The following CAPN11 variants were observed in gnomAD, a reference collection of about 807,000 sequenced individuals.
CAPN11 encodes calpain 11.
CAPN11 carries 108 observed loss-of-function variants against 105.3 expected under a neutral mutation model. The ratio of observed to expected loss-of-function variants is 1.03; its 90% CI spans 0.88 to 1.20. The LOEUF (loss-of-function observed/expected upper bound fraction) is 1.20. CAPN11 is among the 50% of genes most tolerant of loss of function. The probability of loss-of-function intolerance (pLI) is 0.00; values close to 1 mark genes in which losing one functional copy is unlikely to be tolerated. For missense variants in CAPN11, 883 were observed against 924.8 expected (o/e 0.95, Z 0.59); for synonymous variants, 329 against 344.5 (o/e 0.96, Z 0.50).
chr6:44,174,952 G>C (rs1208566897), intron 7 of CAPN11, among the ~76,000 whole-genome samples: 2 of 152,068 alleles, frequency 1.3e-5, no homozygotes, highest in Admixed American at 6.6e-5. Flanking sequence ...CAAAATAATA[G>C]AAATTAAGAA....
intron 13 of CAPN11, 58 bp downstream of exon 13, chr6:44,179,688 C>T (rs1294811076): frequency 6.4e-7 from 1 of 1,569,344 alleles, no homozygotes; most frequent in Non-Finnish European, 8.8e-7. Flanking sequence ...CCACCCCTGG[C>T]TGCAAGTGGA....
chr6:44,180,153 A>G lies in CAPN11; in HGVS notation c.1630A>G (p.Ser544Gly). Reference protein sequence around the residue: ...FLLRVFTEKHSESWELDEVNY... With the variant: ...FLLRVFTEKHGESWELDEVNY... ...GCTTCGGGTCTTCACCGAGAAGCAC[A>G]GCGAGTCATGGTAAGGGGCTGCAGC... The change falls in exon 14 of 23, where the codon AGC (serine) becomes GGC (glycine). Residue 544 changes from serine (S) to glycine (G), a missense_variant. Coordinates refer to ENST00000398776, the MANE Select transcript of CAPN11 (RefSeq NM_007058.4). 1 of 1,610,246 alleles carries G rather than the reference A, an allele frequency of 6.2e-7. No homozygotes were observed. Among genetic ancestry groups the G allele is most frequent in the Admixed American group, 1.7e-5 (1 of 59,734 alleles).
chr6:44,161,797 G>C, intron 1 of CAPN11: 1 of 456,200 alleles, frequency 2.2e-6, no homozygotes, highest in Non-Finnish European at 4.4e-6. Flanking sequence ...CAGGCCCCCA[G>C]GAGAGCTCAA....
At chr6:44,169,670 C>T in intron 3 of CAPN11, 139 bp downstream of exon 3, 1 of 1,006,196 alleles carries the variant, frequency 9.9e-7, no homozygotes. Flanking sequence ...TTCATCAGAG[C>T]TGGGGACAGT....
rs1339016980 is a variant in CAPN11 at position 44,180,749 on chromosome 6, G to T, written c.1748G>T (p.Gly583Val). The T allele has an allele frequency of 6.2e-7, 1 of 1,613,596 alleles. No homozygotes were observed. Among genetic ancestry groups the T allele is most frequent in the Non-Finnish European group, 8.5e-7 (1 of 1,179,764 alleles). The change falls in exon 17 of 23, where the codon GGC becomes GTC. Residue 583 changes from glycine (G) to valine (V), a missense_variant and splice_region_variant. Coordinates refer to ENST00000398776, the MANE Select transcript of CAPN11 (RefSeq NM_007058.4). ...LHLFKIVAGEGKEIGVYELQR... is the reference protein window; with the variant it reads ...LHLFKIVAGEVKEIGVYELQR... Reference sequence around the variant, plus strand: ...GGGGTTCACAGTTCCCCTTCCTAGGGCAAGGAGATAGGGGTGTATGAGCTC... The same window carrying T: ...GGGGTTCACAGTTCCCCTTCCTAGGTCAAGGAGATAGGGGTGTATGAGCTC...
rs536712752 is a variant in CAPN11 at position 44,184,068 on chromosome 6, G to A, written c.*136G>A. 228 of 894,484 alleles carry A rather than the reference G, an allele frequency of 2.5e-4. No individual in the cohort carries two copies. The highest frequency in any genetic ancestry group is 3.7e-4 in the Non-Finnish European group (212 of 578,160). 55.4% of individuals were successfully genotyped at this position (894,484 alleles called of 1,614,324 possible). On this transcript the variant is annotated 3_prime_UTR_variant, in exon 23 of 23. Coordinates refer to ENST00000398776, the MANE Select transcript of CAPN11 (RefSeq NM_007058.4). ...AATGGGCTCCAGGTGGCAGTGCCCGGGTCCCAGGTGCCGTGTTTACTGCAG... is the reference window on the plus strand; with the variant it reads ...AATGGGCTCCAGGTGGCAGTGCCCGAGTCCCAGGTGCCGTGTTTACTGCAG...
Position 44,181,339 on chromosome 6 carries a change from G to T in CAPN11, c.1938+19G>T. The T allele has an allele frequency of 6.2e-7, 1 of 1,608,014 alleles. No individual in the cohort carries two copies. ...ATGGATGGTAAAGGGCACTAAAGGG[G>T]CAGCCTCCAGGGGTGAGGAAAAGAG... On this transcript the variant is annotated intron_variant, in intron 19 of 22. Coordinates refer to ENST00000398776, the MANE Select transcript of CAPN11 (RefSeq NM_007058.4).
Position 44,176,931 on chromosome 6 carries a change from G to T in CAPN11, c.1170G>T (p.Trp390Cys). ...DTLSGDYKSY[W>C]HTTFYEGSWR... ...TCTCTGGGGACTACAAGAGCTACTG[G>T]CACACCACCTTCTACGAGGGCAGCT... Residue 390 changes from tryptophan (W) to cysteine (C), a missense_variant, in exon 11 of 23, where the codon TGG (tryptophan) becomes TGT (cysteine). By Grantham distance (215) the Trp-to-Cys change is radical. Transcript: ENST00000398776. The T allele has an allele frequency of 6.2e-7, 1 of 1,613,908 alleles. No homozygotes were observed. Among genetic ancestry groups the T allele is most frequent in the Non-Finnish European group, 8.5e-7 (1 of 1,179,874 alleles).
intron 21 of CAPN11, 44 bp downstream of exon 21, chr6:44,183,279 G>C: frequency 7.6e-7 from 1 of 1,309,104 alleles, no homozygotes; most frequent in Admixed American, 1.7e-5. Flanking sequence ...GCCAGGGGCC[G>C]CGGGCCCTTT....
intron 19 of CAPN11, among the ~76,000 whole-genome samples, chr6:44,181,574 CCACACATACACACTCACAT>C (rs1773410982): frequency 2.0e-4 from 1 of 4,918 alleles, no homozygotes; most frequent in Non-Finnish European, 4.8e-4. Context: ...CACAACCACA[CCACACATACACACTCACAT>C]ACAGACACAA....
intron 10 of CAPN11, 69 bp downstream of exon 10, chr6:44,176,724 T>G: frequency 6.4e-7 from 1 of 1,562,982 alleles, no homozygotes; most frequent in South Asian, 1.2e-5. Context: ...CCTGCTCCGC[T>G]CCTCTCTGTG....
At position 44,176,672 on chromosome 6, in the gene CAPN11, G is replaced by T; in HGVS notation, c.1076+17G>T. 1 of 1,582,938 alleles carries T rather than the reference G, an allele frequency of 6.3e-7. No individual in the cohort carries two copies. The highest frequency in any genetic ancestry group is 8.6e-7 in the Non-Finnish European group (1 of 1,161,528). On this transcript the variant is annotated intron_variant, in intron 10 of 22. Coordinates refer to ENST00000398776, the MANE Select transcript of CAPN11 (RefSeq NM_007058.4). Reference sequence around the variant, plus strand: ...GGAGTTCTGGTCAGTGTGGCTTGGGGTGGGCTTCTTACCACCACCCTAGGC... The same window carrying T: ...GGAGTTCTGGTCAGTGTGGCTTGGGTTGGGCTTCTTACCACCACCCTAGGC...
At position 44,176,101 on chromosome 6, in the gene CAPN11, G is replaced by C; in HGVS notation, c.865G>C (p.Asp289His). The C allele has an allele frequency of 6.2e-7, 1 of 1,612,982 alleles. No individual in the cohort carries two copies. The highest frequency in any genetic ancestry group is 8.5e-7 in the Non-Finnish European group (1 of 1,179,454). Residue 289 changes from aspartate to histidine, a missense_variant, in exon 8 of 23, where the codon GAC becomes CAC. Asp to His is a moderately conservative substitution (Grantham distance 81). Coordinates refer to ENST00000398776, the MANE Select transcript of CAPN11 (RefSeq NM_007058.4). ...TGATAGTGAACTGGAATCCATGACT[G>C]ACAAGATGCTGGTGAGAGGGCACGC... ...TSDSELESMT[D>H]KMLVRGHAYS...
intron 7 of CAPN11, among the ~76,000 whole-genome samples, chr6:44,174,689 G>A (rs1335192445): frequency 2.2e-5 from 3 of 136,148 alleles, no homozygotes; most frequent in Admixed American, 1.7e-4. Context: ...ATGCGATCTC[G>A]TTTCACTGCA....
intron 15 of CAPN11, 46 bp from the exon 16 acceptor site, chr6:44,180,550 GA>G (rs777104790): frequency 4.3e-6 from 7 of 1,613,804 alleles, no homozygotes; most frequent in Non-Finnish European, 5.9e-6. Flanking sequence ...CTGGGCCTGT[GA>G]AAGAAGTTTT....
At chr6:44,166,935 G>A in intron 2 of CAPN11, 106 bp downstream of exon 2, 2 of 608,020 alleles carry the variant, frequency 3.3e-6, no homozygotes, top group Non-Finnish European at 5.9e-6. Flanking sequence ...CAGTCATGTT[G>A]TGTGGGGAGG....
intron 7 of CAPN11, among the ~76,000 whole-genome samples, chr6:44,175,778 TAATAATA>T (rs981927323): frequency 6.4e-5 from 4 of 62,030 alleles, no homozygotes; most frequent in African/African-American, 2.6e-4. Flanking sequence ...CTGTCTCAAA[TAATAATA>T]AATAATAATA....
chr6:44,176,685 C>T, intron 10 of CAPN11, 30 bp downstream of exon 10: 2 of 1,571,414 alleles, frequency 1.3e-6, no homozygotes, highest in Non-Finnish European at 8.7e-7. Context: ...GGCTTCTTAC[C>T]ACCACCCTAG....
At chr6:44,175,605 A>C (rs377593446) in intron 7 of CAPN11, among the ~76,000 whole-genome samples, 91 of 152,164 alleles carry the variant, frequency 6.0e-4, no homozygotes, top group African/African-American at 2.1e-3. Context: ...GTAAAACCCC[A>C]TCTATACTAA....
Sources: allele counts gnomAD v4.1 joint callset (sites outside exome capture counted in the v4.1 genomes callset), GRCh38; gene constraint gnomAD v4.1.1; transcripts MANE v1.5; gene names NCBI Gene and HGNC (gene_info 2026-07-23, HGNC 2026-07-21).